Variants in HIF1A observed in about 807,000 individuals in gnomAD.
HIF1A encodes hypoxia-inducible factor 1-alpha.
Under a neutral mutation model 92.7 loss-of-function variants are expected in HIF1A, and 24 were observed. That is an observed-to-expected ratio of 0.26 (90% CI 0.19 to 0.36). The LOEUF is 0.36. Ranked by LOEUF, HIF1A falls within the 10% of genes least tolerant of loss-of-function variation. The pLI is 1.00. For missense variants in HIF1A, 799 were observed against 998.5 expected (o/e 0.80, Z 2.69); for synonymous variants, 319 against 338.7 (o/e 0.94, Z 0.64).
Position 61,721,732 on chromosome 14 carries a change from T to C in HIF1A, c.373-7T>C. Reference sequence around the variant, plus strand: ...TCTAGCCCTAATTTTTAAAAATGTGTTTACAGTTTGAACTAACTGGACACA... The same window carrying C: ...TCTAGCCCTAATTTTTAAAAATGTGCTTACAGTTTGAACTAACTGGACACA... On this transcript the variant is annotated splice_region_variant and splice_polypyrimidine_tract_variant and intron_variant, in intron 3 of 14. Coordinates refer to ENST00000337138, the MANE Select transcript of HIF1A (RefSeq NM_001530.4). The C allele has an allele frequency of 6.2e-7, 1 of 1,612,870 alleles. No homozygotes were observed. The highest frequency in any genetic ancestry group is 8.5e-7 in the Non-Finnish European group (1 of 1,179,090).
At position 61,737,006 on chromosome 14, in the gene HIF1A, T is replaced by C. The variant is rs2044645820; in HGVS notation, c.1146T>C (p.Asp382=). The change falls in exon 9 of 15, where the codon GAT becomes GAC. Residue 382 remains aspartate, a synonymous_variant. Transcript: ENST00000337138. ...TATTCACCAAAGTTGAATCAGAAGA[T>C]ACAAGTAGCCTCTTTGACAAACTTA... ...TQLFTKVESE[D]TSSLFDKLKK... is the part of the protein sequence containing the mutation. The C allele has an allele frequency of 6.2e-7, 1 of 1,614,140 alleles. No homozygotes were observed. Among genetic ancestry groups the C allele is most frequent in the Non-Finnish European group, 8.5e-7 (1 of 1,179,960 alleles).
chr14:61,741,208 A>G lies in HIF1A; in HGVS notation c.2093+20A>G, dbSNP rs374917520. The G allele has an allele frequency of 1.3e-6, 2 of 1,481,960 alleles. No individual in the cohort carries two copies. The allele number at this position is 1,481,960 out of a possible 1,614,324, so 91.8% of individuals were successfully genotyped here. A position where few individuals can be genotyped will look rare whatever the true frequency, so the allele number is the denominator to read the frequency against. On this transcript the variant is annotated intron_variant, in intron 12 of 14. Coordinates refer to ENST00000337138, the MANE Select transcript of HIF1A (RefSeq NM_001530.4). ...TCAAAGGTATTTATATGTAACATTC[A>G]AGTTATAGTTCTTTTATTATTTTTG...
chr14:61,723,767 A>T (rs1411406640), intron 4 of HIF1A, among the ~76,000 whole-genome samples: 1 of 152,194 alleles, frequency 6.6e-6, no homozygotes. Context: ...TAATGATGTT[A>T]ATGCATTATT....
At chr14:61,701,335 T>A (rs1241183301) in intron 1 of HIF1A, among the ~76,000 whole-genome samples, 1 of 152,230 alleles carries the variant, frequency 6.6e-6, no homozygotes, top group Non-Finnish European at 1.5e-5. Context: ...GAACATAGTT[T>A]ACTGTATGTA....
chr14:61,737,899 C>T (rs559901132), intron 9 of HIF1A, among the ~76,000 whole-genome samples, 188 bp from the exon 10 acceptor site: 10 of 152,082 alleles, frequency 6.6e-5, no homozygotes, highest in East Asian at 5.8e-4. Context: ...TGGTGGTGTG[C>T]GCCTGTAATC....
At chr14:61,740,396 C>A in intron 10 of HIF1A, 109 bp from the exon 11 acceptor site, 2 of 790,120 alleles carry the variant, frequency 2.5e-6, no homozygotes, top group African/African-American at 1.7e-5. Flanking sequence ...ACACGATGGA[C>A]TTGGTTGTGT....
chr14:61,734,159 C>T lies in HIF1A; in HGVS notation c.902C>T (p.Thr301Ile), dbSNP rs1043056709. 6.2e-7 allele frequency: 1 copy of T among 1,605,064 alleles called. No homozygotes were observed. Among genetic ancestry groups the T allele is most frequent in the South Asian group, 1.1e-5 (1 of 89,262 alleles). Residue 301 changes from threonine to isoleucine, a missense_variant, in exon 8 of 15, where the codon ACC becomes ATC. Around this residue, in one of 2 missense-constraint regions of HIF1A, gnomAD observed 516 missense variants for 721.0 expected, o/e 0.72. Transcript: ENST00000337138. ...HHDMFTKGQV[T>I]TGQYRMLAKR... Reference sequence around the variant, plus strand: ...CTAGTGTTTACTAAAGGACAAGTCACCACAGGACAGTACAGGATGCTTGCC... The same window carrying T: ...CTAGTGTTTACTAAAGGACAAGTCATCACAGGACAGTACAGGATGCTTGCC...
At chr14:61,737,892 T>G (rs2044657730) in intron 9 of HIF1A, among the ~76,000 whole-genome samples, 195 bp from the exon 10 acceptor site, 1 of 152,024 alleles carries the variant, frequency 6.6e-6, no homozygotes, top group African/African-American at 2.4e-5. Context: ...CTGGGCGTGG[T>G]GGTGTGCGCC....
Position 61,710,836 on chromosome 14 carries a change from G to A in HIF1A, c.36-9546G>A, listed in dbSNP as rs564934482. Among the ~76,000 whole-genome samples, 8 of 152,100 alleles carry A rather than the reference G, an allele frequency of 5.3e-5. No individual in the cohort carries two copies. The South Asian group carries it at 1.5e-3, about 28-fold the overall frequency. The stretch of plus-strand genomic sequence containing the variant: ...AGCACTTTGGGAGGCTGAGGCAGGC[G>A]GATCAAGAGGTCAGGAGTTCAAGAC... On this transcript the variant is annotated intron_variant, in intron 1 of 14. Transcript: ENST00000337138.
intron 13 of HIF1A, among the ~76,000 whole-genome samples, chr14:61,745,059 C>T (rs1264619343): frequency 6.6e-6 from 1 of 152,106 alleles, no homozygotes; most frequent in African/African-American, 2.4e-5. Context: ...AAGTGAAGTT[C>T]TCCCCTTACT....
At chr14:61,704,578 C>G (rs1269916333) in intron 1 of HIF1A, among the ~76,000 whole-genome samples, 1 of 152,108 alleles carries the variant, frequency 6.6e-6, no homozygotes, top group Non-Finnish European at 1.5e-5. Context: ...TATTGCCTGC[C>G]TTTGTAGCTA....
At chr14:61,703,896 C>T (rs945439455) in intron 1 of HIF1A, among the ~76,000 whole-genome samples, 3 of 152,134 alleles carry the variant, frequency 2.0e-5, no homozygotes, top group African/African-American at 4.8e-5. Context: ...AGTCATTCTG[C>T]AAGCTGTTCT....
chr14:61,733,479 C>CT (rs2044600405), intron 7 of HIF1A, among the ~76,000 whole-genome samples: 1 of 152,170 alleles, frequency 6.6e-6, no homozygotes, highest in Non-Finnish European at 1.5e-5. Context: ...ATAAGTTAAA[C>CT]TTTGGACTAT....
At chr14:61,695,871 C>G in intron 1 of HIF1A, 32 bp downstream of exon 1, 14 of 1,550,072 alleles carry the variant, frequency 9.0e-6, no homozygotes, top group Non-Finnish European at 1.2e-5. Context: ...GCCGCCTTCT[C>G]CCCCGGCGAC....
intron 12 of HIF1A, 65 bp from the exon 13 acceptor site, chr14:61,744,640 A>G: frequency 1.6e-6 from 1 of 641,944 alleles, no homozygotes; most frequent in Non-Finnish European, 2.7e-6. Flanking sequence ...ATTTTCTTTA[A>G]AAGCGCTCAC....
At chr14:61,743,149 G>A (rs1237221471) in intron 12 of HIF1A, among the ~76,000 whole-genome samples, 3 of 152,170 alleles carry the variant, frequency 2.0e-5, no homozygotes, top group Middle Eastern at 3.4e-3. Context: ...TTGGCTCACC[G>A]CAACTGCCGC....
rs1308453576 is a variant in HIF1A at position 61,725,317 on chromosome 14, A to G, written c.458-1389A>G. Among the ~76,000 whole-genome samples, 7 of 152,340 alleles carry G rather than the reference A, an allele frequency of 4.6e-5. No individual in the cohort carries two copies. In the East Asian group the frequency reaches 1.3e-3, roughly 29 times the overall value. On this transcript the variant is annotated intron_variant, in intron 4 of 14. Transcript: ENST00000337138. ...TCTTACTCATCTTTGTATTGCCTAC[A>G]ATATCTAGTCCAGGTTCTGAATAAT...
At chr14:61,708,621 C>T (rs190027034) in intron 1 of HIF1A, among the ~76,000 whole-genome samples, 61 of 126,314 alleles carry the variant, frequency 4.8e-4, no homozygotes, top group African/African-American at 1.4e-3. Context: ...TGTAGATAAG[C>T]GGCATTATTT....
chr14:61,724,128 GT>G lies in HIF1A; in HGVS notation c.457+2315del, dbSNP rs933605171. On this transcript the variant is annotated intron_variant, in intron 4 of 14. Coordinates refer to ENST00000337138, the MANE Select transcript of HIF1A (RefSeq NM_001530.4). ...GTTTGTTTTTGTTTGTTTGTTTTTT[GT>G]TTTTTTTTTCCTCATTAGGAAAACA... 5.5e-3 allele frequency among the ~76,000 whole-genome samples: 775 copies of G among 141,956 alleles called. 6 individuals carry two copies. The highest frequency in any genetic ancestry group is 0.018 in the African/African-American group (721 of 39,314). 93.1% of individuals were successfully genotyped at this position (141,956 alleles called of 152,430 possible). A position where few individuals can be genotyped will look rare whatever the true frequency, so the allele number is the denominator to read the frequency against.
Sources: gnomAD v4.1 joint callset for allele counts (sites outside exome capture counted in the v4.1 genomes callset) on GRCh38, gnomAD v4.1.1 for gene constraint, gnomAD v4.1.1 regional missense constraint, MANE v1.5 for transcripts, NCBI Gene and HGNC (gene_info 2026-07-23, HGNC 2026-07-21) for gene names.